Variants in PRSS12 observed in about 807,000 individuals in gnomAD.
PRSS12 encodes the protein serine protease 12.
In PRSS12, 85 loss-of-function variants were observed where a neutral mutation model predicts 104.4. The observed-to-expected ratio is 0.81, with a 90% CI of 0.68 to 0.98. The LOEUF is 0.98. Among genes scored for constraint, PRSS12 ranks in the 50% least tolerant of loss-of-function variants. The probability of loss-of-function intolerance (pLI) is 0.00; values close to 1 mark genes in which losing one functional copy is unlikely to be tolerated. For synonymous variants in PRSS12, 454 were observed against 425.2 expected, an observed-to-expected ratio of 1.07 and a Z score of -0.83; for missense variants, 1,141 against 1,139.2, an observed-to-expected ratio of 1.00 and a Z score of -0.02.
chr4:118,330,576 C>A (rs911806626), intron 4 of PRSS12, among the ~76,000 whole-genome samples: 4 of 152,038 alleles, frequency 2.6e-5, no homozygotes, highest in Non-Finnish European at 5.9e-5. Flanking sequence ...AACATAATAT[C>A]CAGATTGGTC....
chr4:118,294,824 A>G (rs1743215680), intron 11 of PRSS12, 115 bp downstream of exon 11: 6 of 1,426,110 alleles, frequency 4.2e-6, no homozygotes, highest in South Asian at 1.2e-5. Context: ...TGCTGGCACA[A>G]GCAGCGAAAG....
intron 4 of PRSS12, among the ~76,000 whole-genome samples, chr4:118,326,219 G>C (rs1186421341): frequency 6.6e-6 from 1 of 152,102 alleles, no homozygotes; most frequent in South Asian, 2.1e-4. Flanking sequence ...TACAGAGTTT[G>C]TAATCCATGG....
At chr4:118,312,055 GA>G (rs1197266205) in intron 7 of PRSS12, among the ~76,000 whole-genome samples, 2 of 152,024 alleles carry the variant, frequency 1.3e-5, no homozygotes, top group African/African-American at 4.8e-5. Context: ...TGAAAAGAAA[GA>G]AAAATGGAAA....
intron 5 of PRSS12, among the ~76,000 whole-genome samples, chr4:118,317,814 C>A (rs1723486276): frequency 6.6e-6 from 1 of 152,064 alleles, no homozygotes; most frequent in Non-Finnish European, 1.5e-5. Context: ...TTGCCTTTTC[C>A]ATTTCCTTCT....
intron 4 of PRSS12, among the ~76,000 whole-genome samples, chr4:118,322,693 T>C (rs1723666515): frequency 6.6e-6 from 1 of 152,044 alleles, no homozygotes; most frequent in South Asian, 2.1e-4. Context: ...ATTTGTAATA[T>C]GTTTATGAAA....
At position 118,352,508 on chromosome 4, in the gene PRSS12, C is replaced by A; in HGVS notation, c.213G>T (p.Ala71=). 1.4e-6 allele frequency: 2 copies of A among 1,436,248 alleles called. No individual in the cohort carries two copies. Among genetic ancestry groups the A allele is most frequent in the African/African-American group, 1.5e-5 (1 of 67,408 alleles). The allele number at this position is 1,436,248 out of a possible 1,614,324, so 89.0% of individuals were successfully genotyped here. ...PLPRFPRPPR[A]LPAQRPHALQ... ...GGGCGTGCGGGCGCTGGGCAGGGAG[C>A]GCCCGCGGGGGGCGCGGGAAGCGCG... The change falls in exon 1 of 13, where the codon GCG becomes GCT. Residue 71 remains alanine, a synonymous_variant. Coordinates refer to ENST00000296498, the MANE Select transcript of PRSS12 (RefSeq NM_003619.4).
In PRSS12 at chr4:118,282,124, C is replaced by G; in HGVS notation, c.2440G>C (p.Glu814Gln). The G allele has an allele frequency of 5.0e-6, 8 of 1,614,210 alleles. No individual in the cohort carries two copies. The highest frequency in any genetic ancestry group is 6.8e-6 in the Non-Finnish European group (8 of 1,180,042). Residue 814 changes from glutamate to glutamine, a missense_variant, in exon 13 of 13, where the codon GAA (glutamate) becomes CAA (glutamine). Coordinates refer to ENST00000296498, the MANE Select transcript of PRSS12 (RefSeq NM_003619.4). ...TGGCAGCTGTCCACGCGTTTGTGTT[C>G]ATGGAGGTTTCCAGCACAAAGCATT... ...GRMLCAGNLH[E>Q]HKRVDSCQGD...
chr4:118,320,774 A>C (rs1342626964), intron 4 of PRSS12, among the ~76,000 whole-genome samples: 1 of 152,104 alleles, frequency 6.6e-6, no homozygotes, highest in African/African-American at 2.4e-5. Flanking sequence ...AATAATAACA[A>C]CAATATCATT....
intron 1 of PRSS12, among the ~76,000 whole-genome samples, chr4:118,340,389 T>C (rs1214785028): frequency 2.0e-5 from 3 of 152,180 alleles, no homozygotes; most frequent in Admixed American, 6.5e-5. Context: ...ATGAATTCTA[T>C]GTCAGATTCC....
In PRSS12 at chr4:118,283,019, T is replaced by A; in HGVS notation, c.2132A>T (p.Gln711Leu). ...EEFEEEIGVQ[Q>L]IVIHREYRPD... is the part of the protein sequence containing the mutation. ...TCGATACTCCCGATGAATCACAATC[T>A]GTTGAACTCCAATTTCTTCCTCAAA... Residue 711 changes from glutamine (Q) to leucine (L), a missense_variant, in exon 12 of 13, where the codon CAG becomes CTG. Coordinates refer to ENST00000296498, the MANE Select transcript of PRSS12 (RefSeq NM_003619.4). The A allele has an allele frequency of 6.2e-7, 1 of 1,614,182 alleles. No individual in the cohort carries two copies. The highest frequency in any genetic ancestry group is 1.6e-4 in the Middle Eastern group (1 of 6,062).
chr4:118,352,603 C>G lies in PRSS12; in HGVS notation c.118G>C (p.Gly40Arg), dbSNP rs771771867. Residue 40 changes from glycine to arginine, a missense_variant, in exon 1 of 13, where the codon GGT (glycine) becomes CGT (arginine). Coordinates refer to ENST00000296498, the MANE Select transcript of PRSS12 (RefSeq NM_003619.4). ...GGAAGGTAATAGGGGTAGTGCGGAC[C>G]CGCAGGGGGCGAATGGCGGTGGCTG... ...HHSHRHSPPA[G>R]PHYPYYLPTQ... is the part of the protein sequence containing the mutation. The G allele has an allele frequency of 3.1e-6, 5 of 1,609,220 alleles. No individual in the cohort carries two copies. Among genetic ancestry groups the G allele is most frequent in the South Asian group, 1.1e-5 (1 of 89,990 alleles).
chr4:118,326,643 C>T (rs1484211023), intron 4 of PRSS12, among the ~76,000 whole-genome samples: 2 of 152,270 alleles, frequency 1.3e-5, no homozygotes, highest in East Asian at 3.9e-4. Flanking sequence ...TTCCTTATTT[C>T]TTTCAGCCCT....
At chr4:118,307,086 A>T (rs1426259426) in intron 8 of PRSS12, among the ~76,000 whole-genome samples, 2 of 152,212 alleles carry the variant, frequency 1.3e-5, no homozygotes, top group Non-Finnish European at 2.9e-5. Context: ...CAAATGGAAA[A>T]AGGAGTGATA....
In PRSS12 at chr4:118,331,791, C is replaced by A. The variant is rs756792357; in HGVS notation, c.896G>T (p.Gly299Val). Residue 299 changes from glycine (G) to valine (V), a missense_variant, in exon 4 of 13, where the codon GGC becomes GTC. Gly to Val is a moderately radical substitution (Grantham distance 109). Coordinates refer to ENST00000296498, the MANE Select transcript of PRSS12 (RefSeq NM_003619.4). ...GTCATCACAAACGGTTCCCCACTGG[C>A]CAGCATGGTAGAGCTCCACCCGGCC... ...HEGRVELYHA[G>V]QWGTVCDDQW... The A allele has an allele frequency of 6.2e-7, 1 of 1,614,188 alleles. No homozygotes were observed.
chr4:118,300,950 C>G (rs1203669815), intron 8 of PRSS12, among the ~76,000 whole-genome samples: 1 of 152,006 alleles, frequency 6.6e-6, no homozygotes, highest in Non-Finnish European at 1.5e-5. Flanking sequence ...AGACTTCTTA[C>G]AATTATATAT....
At chr4:118,315,413 T>C (rs1012493778) in intron 6 of PRSS12, among the ~76,000 whole-genome samples, 16 of 152,192 alleles carry the variant, frequency 1.1e-4, no homozygotes, top group Non-Finnish European at 2.4e-4. Context: ...TGAATGAAGC[T>C]ATGTTTTTAA....
intron 4 of PRSS12, among the ~76,000 whole-genome samples, chr4:118,326,856 C>G (rs530234258): frequency 4.6e-5 from 7 of 152,258 alleles, no homozygotes; most frequent in Non-Finnish European, 1.0e-4. Flanking sequence ...ATATACCAGG[C>G]TATCTTTGTT....
intron 1 of PRSS12, among the ~76,000 whole-genome samples, chr4:118,351,072 G>A (rs1308047185): frequency 6.6e-6 from 1 of 152,100 alleles, no homozygotes; most frequent in East Asian, 1.9e-4. Context: ...CATTCCCGAG[G>A]ATAAAGGATA....
chr4:118,280,394 T>G lies in PRSS12; in HGVS notation c.*1542A>C, dbSNP rs1742812315. Reference sequence around the variant, plus strand: ...TTTAAAAGTTTATCAAAATCATGAGTTTTTACAAAAGTTTTTAATGCTCTT... The same window carrying G: ...TTTAAAAGTTTATCAAAATCATGAGGTTTTACAAAAGTTTTTAATGCTCTT... On this transcript the variant is annotated 3_prime_UTR_variant, in exon 13 of 13. Transcript: ENST00000296498. The G allele has an allele frequency of 6.6e-6, 1 of 152,230 alleles. No individual in the cohort carries two copies. The highest frequency in any genetic ancestry group is 1.5e-5 in the Non-Finnish European group (1 of 68,040). 9.4% of individuals were successfully genotyped at this position (152,230 alleles called of 1,614,324 possible). A position where few individuals can be genotyped will look rare whatever the true frequency, so the allele number is the denominator to read the frequency against.
Sources: allele counts gnomAD v4.1 joint callset (sites outside exome capture counted in the v4.1 genomes callset), GRCh38; gene constraint gnomAD v4.1.1; transcripts MANE v1.5; gene names NCBI Gene and HGNC (gene_info 2026-07-23, HGNC 2026-07-21).